RPTOR: variants seen among roughly 807,000 people sequenced by gnomAD.
RPTOR encodes regulatory associated protein of MTOR complex 1.
In RPTOR, 21 loss-of-function variants were observed where a neutral mutation model predicts 169.9. The observed-to-expected ratio is 0.12, with a 90% CI of 0.09 to 0.18. The LOEUF (loss-of-function observed/expected upper bound fraction) is 0.18, where lower values mean the gene tolerates loss of function less well. Among genes scored for constraint, RPTOR ranks in the 10% least tolerant of loss-of-function variants. RPTOR has a pLI of 1.00. For missense variants in RPTOR, 1,133 were observed against 1,855.9 expected (o/e 0.61, Z 7.16); for synonymous variants, 732 against 753.2 (o/e 0.97, Z 0.46).
At chr17:80,830,837 A>G (rs930447145) in intron 9 of RPTOR, among the ~76,000 whole-genome samples, 6 of 151,288 alleles carry the variant, frequency 4.0e-5, no homozygotes, top group African/African-American at 7.3e-5. Context: ...TGCAGCCTCA[A>G]CCTCCCAGGG....
chr17:80,773,877 G>T lies in RPTOR; in HGVS notation c.831-17573G>T, dbSNP rs543349272. 23 of 985,392 alleles carry T rather than the reference G, an allele frequency of 2.3e-5. No individual in the cohort carries two copies. The Admixed American group carries it at 1.0e-3, about 45-fold the overall frequency. 61.0% of individuals were successfully genotyped at this position (985,392 alleles called of 1,614,324 possible). A position where few individuals can be genotyped will look rare whatever the true frequency, so the allele number is the denominator to read the frequency against. On this transcript the variant is annotated intron_variant, in intron 6 of 33. Transcript: ENST00000306801. ...TCTGTTGTGCATCAGAGCTCCCTCA[G>T]ACGTCGACCGCTTCTGATTCCCTCC...
At chr17:80,590,267 A>G (rs7221494) in intron 1 of RPTOR, among the ~76,000 whole-genome samples, 52,395 of 132,102 alleles carry the variant, frequency 0.4, 9,459 homozygotes, top group Middle Eastern at 0.46. Flanking sequence ...GCAGGTATGC[A>G]CACATGCGTG....
intron 24 of RPTOR, among the ~76,000 whole-genome samples, chr17:80,926,602 T>G (rs2068814491): frequency 6.6e-6 from 1 of 152,180 alleles, no homozygotes; most frequent in African/African-American, 2.4e-5. Context: ...TGATGAGATA[T>G]TATTGGAGCT....
intron 1 of RPTOR, among the ~76,000 whole-genome samples, chr17:80,594,285 G>T (rs1377585227): frequency 2.6e-5 from 4 of 151,956 alleles, no homozygotes; most frequent in Admixed American, 1.3e-4. Flanking sequence ...GTAGAGATGG[G>T]GTTTCACCAT....
intron 20 of RPTOR, among the ~76,000 whole-genome samples, chr17:80,899,782 A>G (rs974743506): frequency 6.6e-6 from 1 of 152,218 alleles, no homozygotes; most frequent in African/African-American, 2.4e-5. Context: ...ACATCACAAA[A>G]TATTGTTCCT....
chr17:80,846,298 G>T (rs536606487), intron 10 of RPTOR, among the ~76,000 whole-genome samples, 175 bp from the exon 11 acceptor site: 56 of 152,378 alleles, frequency 3.7e-4, no homozygotes, highest in South Asian at 8.3e-4. Context: ...CACCCCGCAG[G>T]CTCTCCCTCT....
chr17:80,590,556 TGC>T (rs2143407291), intron 1 of RPTOR, among the ~76,000 whole-genome samples: 1 of 148,260 alleles, frequency 6.7e-6, no homozygotes, highest in Non-Finnish European at 1.5e-5. Flanking sequence ...CATGCAGGTA[TGC>T]GCACATGCGT....
Position 80,545,091 on chromosome 17 carries a change from T to C in RPTOR, c.-539T>C, listed in dbSNP as rs1471218406. 1 of 233,744 alleles carries C rather than the reference T, an allele frequency of 4.3e-6. No homozygotes were observed. The highest frequency in any genetic ancestry group is 8.5e-6 in the Non-Finnish European group (1 of 118,142). 14.5% of individuals were successfully genotyped at this position (233,744 alleles called of 1,614,324 possible). ...GCGAGCACGATGGGCCGGTCGTGGC[T>C]CTGGTTGCAGCAGCTCAGACGAGTG... is the stretch of plus-strand genomic sequence containing the variant. On this transcript the variant is annotated 5_prime_UTR_variant, in exon 1 of 34. Transcript: ENST00000306801.
intron 1 of RPTOR, among the ~76,000 whole-genome samples, chr17:80,598,912 C>T (rs770791088): frequency 7.9e-5 from 12 of 151,822 alleles, no homozygotes; most frequent in Non-Finnish European, 1.6e-4. Flanking sequence ...ATCTATCTAT[C>T]TATCTATCTA....
In RPTOR at chr17:80,936,462, C is replaced by T. The variant is rs368203978; in HGVS notation, c.2920-4034C>T. On this transcript the variant is annotated intron_variant, in intron 24 of 33. Transcript: ENST00000306801. This position sits in a 1 kb window ranked among gnomAD's most constrained non-coding sequence, Gnocchi z 4.1. ...TGGAAACAACCCAAGTTTCCTTCAC[C>T]TCGTAAAGAGAGAAGCTGATACAAC... is the stretch of plus-strand genomic sequence containing the variant. Among the ~76,000 whole-genome samples the T allele has an allele frequency of 6.6e-6, 1 of 152,176 alleles. No individual in the cohort carries two copies. The highest frequency in any genetic ancestry group is 1.5e-5 in the Non-Finnish European group (1 of 68,040).
intron 21 of RPTOR, among the ~76,000 whole-genome samples, chr17:80,913,491 C>G (rs1431358111): frequency 6.6e-6 from 1 of 151,636 alleles, no homozygotes; most frequent in East Asian, 1.9e-4. Flanking sequence ...CTCACTCTAT[C>G]ACCCAGGCTG....
chr17:80,892,140 C>T (rs1037770840), intron 18 of RPTOR, among the ~76,000 whole-genome samples: 3 of 152,050 alleles, frequency 2.0e-5, no homozygotes, highest in Admixed American at 6.5e-5. Flanking sequence ...GCGCAGGGGC[C>T]GTCTTCCTGC....
chr17:80,918,211 C>T (rs956088373), intron 21 of RPTOR, among the ~76,000 whole-genome samples: 16 of 152,248 alleles, frequency 1.1e-4, no homozygotes, highest in Admixed American at 5.9e-4. Flanking sequence ...GTGGCCCTGC[C>T]TTAGAGCCAC....
At position 80,694,325 on chromosome 17, in the gene RPTOR, TG is replaced by T. The variant is rs57592007; in HGVS notation, c.349-13515del. ...CGGGCATGGCCCTCGCAGATGGCTT[TG>T]CTGGCCTGGTCTGGCAACCGTTGAA... On this transcript the variant is annotated intron_variant, in intron 3 of 33. Transcript: ENST00000306801. Among the ~76,000 whole-genome samples, 1,428 of 152,362 alleles carry T rather than the reference TG, an allele frequency of 9.4e-3. 38 individuals carry two copies. The highest frequency in any genetic ancestry group is 0.033 in the African/African-American group (1,356 of 41,598).
chr17:80,742,416 C>T (rs139162292), intron 5 of RPTOR, among the ~76,000 whole-genome samples: 8 of 151,944 alleles, frequency 5.3e-5, no homozygotes, highest in South Asian at 2.1e-4. Flanking sequence ...AGGATGCAGA[C>T]GCACAGCACA....
Position 80,849,667 on chromosome 17 carries a change from C to T in RPTOR, c.1314+3093C>T, listed in dbSNP as rs796174843. On this transcript the variant is annotated intron_variant, in intron 11 of 33. Transcript: ENST00000306801. ...CCAAGTAGCTGGGATTACAGGCACC[C>T]GCCACCATGCCCGGCTAATTTTTTG... Among the ~76,000 whole-genome samples, 15 of 152,252 alleles carry T rather than the reference C, an allele frequency of 9.9e-5. 1 individual carries two copies. Among genetic ancestry groups the T allele is most frequent in the African/African-American group, 3.6e-4 (15 of 41,552 alleles).
chr17:80,712,553 T>G (rs1179735481), intron 4 of RPTOR, among the ~76,000 whole-genome samples: 3 of 152,226 alleles, frequency 2.0e-5, no homozygotes. Flanking sequence ...GCAACACTGC[T>G]TCTTTATCCA....
intron 6 of RPTOR, among the ~76,000 whole-genome samples, chr17:80,785,401 T>C (rs2066981576): frequency 6.6e-6 from 1 of 152,224 alleles, no homozygotes. Context: ...GACCAGGTGG[T>C]CTTCAGTATA....
chr17:80,570,193 T>C (rs1281371646), intron 1 of RPTOR, among the ~76,000 whole-genome samples: 6 of 152,072 alleles, frequency 3.9e-5, no homozygotes, highest in African/African-American at 9.7e-5. Flanking sequence ...CACACCTCAT[T>C]TGTCTTCCCG....
Sources: gnomAD v4.1 joint callset for allele counts (sites outside exome capture counted in the v4.1 genomes callset) on GRCh38, gnomAD v4.1.1 for gene constraint, Gnocchi (gnomAD v3.1) non-coding constraint, MANE v1.5 for transcripts, NCBI Gene and HGNC (gene_info 2026-07-23, HGNC 2026-07-21) for gene names.